UROS: variants seen among roughly 807,000 people sequenced by gnomAD.
UROS encodes uroporphyrinogen-III synthase.
UROS carries 18 observed loss-of-function variants against 33.0 expected under a neutral mutation model. The observed-to-expected ratio is 0.55, with a 90% confidence interval of 0.38 to 0.81. UROS has a LOEUF of 0.81. Ranked by LOEUF, UROS falls within the 30% of genes least tolerant of loss-of-function variation. The pLI, the probability that UROS is intolerant of heterozygous loss-of-function variation, is 0.00. For missense variants in UROS, 293 were observed against 314.9 expected, an observed-to-expected ratio of 0.93 and a Z score of 0.53; for synonymous variants, 114 against 121.1, an observed-to-expected ratio of 0.94 and a Z score of 0.38.
chr10:125,798,239 C>T lies in UROS; in HGVS notation c.395-94G>A, dbSNP rs185595953. On this transcript the variant is annotated intron_variant, in intron 6 of 9. Transcript: ENST00000368797. ...GCAGCTTTGGGAAGGGGGAAGCAGCCCTGGGCTCCAGGCCTGGCTCTGCTT... is the reference window on the plus strand; with the variant it reads ...GCAGCTTTGGGAAGGGGGAAGCAGCTCTGGGCTCCAGGCCTGGCTCTGCTT... The T allele has an allele frequency of 3.8e-4, 502 of 1,318,874 alleles. 2 individuals carry two copies. Among genetic ancestry groups the T allele is most frequent in the Non-Finnish European group, 2.1e-4 (193 of 921,240 alleles). The allele number at this position is 1,318,874 out of a possible 1,614,324, so 81.7% of individuals were successfully genotyped here. A position where few individuals can be genotyped will look rare whatever the true frequency, so the allele number is the denominator to read the frequency against.
At chr10:125,813,776 G>A (rs1183590039) in intron 4 of UROS, among the ~76,000 whole-genome samples, 1 of 152,242 alleles carries the variant, frequency 6.6e-6, no homozygotes, top group East Asian at 1.9e-4. Context: ...ACTGCGCCTG[G>A]CTGGCTCTGA....
chr10:125,806,882 T>C (rs991526394), intron 6 of UROS, among the ~76,000 whole-genome samples: 1 of 152,212 alleles, frequency 6.6e-6, no homozygotes, highest in African/African-American at 2.4e-5. Flanking sequence ...TGCCTATGTA[T>C]CTTCTGAAGC....
At chr10:125,814,896 C>T (rs1853161283) in intron 4 of UROS, 138 bp downstream of exon 4, 1 of 993,296 alleles carries the variant, frequency 1.0e-6, no homozygotes, top group African/African-American at 1.6e-5. Flanking sequence ...TCCTGTTTCC[C>T]AAGGCAGAGT....
At chr10:125,789,823 C>T (rs1396651643) in intron 9 of UROS, among the ~76,000 whole-genome samples, 1 of 152,206 alleles carries the variant, frequency 6.6e-6, no homozygotes, top group African/African-American at 2.4e-5. Context: ...TAGTGCAAGT[C>T]CCTTAGCCTC....
chr10:125,786,036 G>T (rs1041829106), downstream of UROS, among the ~76,000 whole-genome samples: 4 of 152,116 alleles, frequency 2.6e-5, no homozygotes, highest in African/African-American at 9.7e-5. Flanking sequence ...TGGCAGGGTG[G>T]GGGGTGCGAC....
chr10:125,818,139 T>C (rs1401211186), intron 1 of UROS, among the ~76,000 whole-genome samples: 2 of 152,200 alleles, frequency 1.3e-5, no homozygotes, highest in East Asian at 3.8e-4. Context: ...AGCATTTGTC[T>C]TCTTTTTTAA....
At chr10:125,804,546 G>A (rs1307338824) in intron 6 of UROS, among the ~76,000 whole-genome samples, 1 of 152,196 alleles carries the variant, frequency 6.6e-6, no homozygotes, top group East Asian at 1.9e-4. Context: ...CTTGGACAGA[G>A]GTCCCTCAGC....
chr10:125,802,062 A>C, intron 6 of UROS: 1 of 985,458 alleles, frequency 1.0e-6, no homozygotes, highest in African/African-American at 1.7e-5. Flanking sequence ...CAATGTCAAG[A>C]TCTACCATTT....
intron 6 of UROS, chr10:125,802,266 C>G: frequency 1.0e-6 from 1 of 985,678 alleles, no homozygotes; most frequent in Non-Finnish European, 1.2e-6. Context: ...TCCCATGGGG[C>G]TGGGGCCACA....
At chr10:125,807,278 G>T in intron 6 of UROS, 135 bp downstream of exon 6, 1 of 777,278 alleles carries the variant, frequency 1.3e-6, no homozygotes, top group Non-Finnish European at 2.2e-6. Context: ...TATGCTCCCA[G>T]AGTGGGTTAT....
At position 125,788,895 on chromosome 10, in the gene UROS, C is replaced by T; in HGVS notation, c.771G>A (p.Lys257=). 1 of 1,600,680 alleles carries T rather than the reference C, an allele frequency of 6.2e-7. No individual in the cohort carries two copies. Among genetic ancestry groups the T allele is most frequent in the Non-Finnish European group, 8.5e-7 (1 of 1,175,356 alleles). Residue 257 remains lysine, a synonymous_variant, in exon 10 of 10, where the codon AAG becomes AAA. Coordinates refer to ENST00000368797, the MANE Select transcript of UROS (RefSeq NM_000375.3). The stretch of plus-strand genomic sequence containing the variant: ...AGCAGCAGCCATGGGGCTGGAGAGC[C>T]TTCCTGATGCCAGTGGCCAGGGCTT... The part of the protein sequence containing the change: ...TPQALATGIR[K]ALQPHGCC
At chr10:125,810,023 A>G (rs1050164270) in intron 5 of UROS, among the ~76,000 whole-genome samples, 1 of 152,198 alleles carries the variant, frequency 6.6e-6, no homozygotes, top group Non-Finnish European at 1.5e-5. Flanking sequence ...CTACTTCAAG[A>G]AAAATGTCTA....
rs1429539134 is a variant in UROS at position 125,807,972 on chromosome 10, C to T, written c.320-485G>A. Among the ~76,000 whole-genome samples, 7 of 152,262 alleles carry T rather than the reference C, an allele frequency of 4.6e-5. No homozygotes were observed. The East Asian group carries it at 1.3e-3, about 29-fold the overall frequency. Reference sequence around the variant, plus strand: ...CATCCAGAAAGGTGTTATGGCTTGACATGGCCAGACTAAAATGGAAGGAAG... The same window carrying T: ...CATCCAGAAAGGTGTTATGGCTTGATATGGCCAGACTAAAATGGAAGGAAG... On this transcript the variant is annotated intron_variant, in intron 5 of 9. Transcript: ENST00000368797.
chr10:125,815,638 A>T (rs771523086), intron 3 of UROS, among the ~76,000 whole-genome samples: 2 of 152,176 alleles, frequency 1.3e-5, no homozygotes, highest in Non-Finnish European at 2.9e-5. Context: ...GTGGGCACTG[A>T]ATTTTCACTC....
Position 125,823,168 on chromosome 10 carries a change from CCGCG to C in UROS, c.-170_-167del, listed in dbSNP as rs1854157797. 5.8e-6 allele frequency: 1 copy of C among 172,284 alleles called. No individual in the cohort carries two copies. The highest frequency in any genetic ancestry group is 1.2e-5 in the Non-Finnish European group (1 of 81,412). The allele number at this position is 172,284 out of a possible 1,614,324, so 10.7% of individuals were successfully genotyped here. ...CCCCCTCCCCACGCAGCCCGAGGGG[CCGCG>C]GCGGCCACCCGCGCCGGGCCCCAGG... On this transcript the variant is annotated 5_prime_UTR_variant, in exon 1 of 10. The change creates a premature stop within an existing upstream ORF in the 5' untranslated region. Coordinates refer to ENST00000368797, the MANE Select transcript of UROS (RefSeq NM_000375.3).
At chr10:125,795,014 T>C (rs1163400129) in intron 8 of UROS, 36 bp from the exon 9 acceptor site, 1 of 1,561,356 alleles carries the variant, frequency 6.4e-7, no homozygotes, top group Non-Finnish European at 8.8e-7. Context: ...GTCCTTGCCA[T>C]GAGACTGAGG....
chr10:125,794,967 G>A lies in UROS; in HGVS notation c.573C>T (p.Ala191=), dbSNP rs1851235481. ...NSYYSQQGVP[A]SITFFSPSGL... is the part of the protein sequence containing the mutation. ...CAGAGGGACTAAAAAATGTGATGCT[G>A]GCTGGAACCCCCTGTGGGGAACAGA... Residue 191 remains alanine, a synonymous_variant, in exon 9 of 10, where the codon GCC becomes GCT. Transcript: ENST00000368797. The A allele has an allele frequency of 6.2e-7, 1 of 1,614,136 alleles. No individual in the cohort carries two copies. The highest frequency in any genetic ancestry group is 8.5e-7 in the Non-Finnish European group (1 of 1,179,964).
At chr10:125,810,884 TACA>T (rs1354505553) in intron 5 of UROS, among the ~76,000 whole-genome samples, 1 of 152,242 alleles carries the variant, frequency 6.6e-6, no homozygotes, top group African/African-American at 2.4e-5. Flanking sequence ...TTTTAAAAGT[TACA>T]ACACTTCTAA....
Position 125,815,034 on chromosome 10 carries a change from CT to C in UROS, c.243del (p.Val82SerfsTer6). On this transcript the variant is annotated frameshift_variant and splice_region_variant, in exon 4 of 10. Coordinates refer to ENST00000368797, the MANE Select transcript of UROS (RefSeq NM_000375.3). LOFTEE classifies it high-confidence loss of function. ...GAATCCACAGCAGACCCACCCTCAC[CT>C]TCAGTTTTATTGTTTTGCTCCAAAC... ...ELCLEQNNKT[E>X]VWERSLKEKW... 1 of 1,614,144 alleles carries C rather than the reference CT, an allele frequency of 6.2e-7. No individual in the cohort carries two copies. Among genetic ancestry groups the C allele is most frequent in the Non-Finnish European group, 8.5e-7 (1 of 1,180,010 alleles).
Sources: gnomAD v4.1 joint callset for allele counts (sites outside exome capture counted in the v4.1 genomes callset) on GRCh38, gnomAD v4.1.1 for gene constraint, MANE v1.5 for transcripts, NCBI Gene and HGNC (gene_info 2026-07-23, HGNC 2026-07-21) for gene names.